Variants in HSD17B11 observed in about 807,000 individuals in gnomAD.
The protein encoded by HSD17B11 is estradiol 17-beta-dehydrogenase 11.
HSD17B11 carries 22 observed loss-of-function variants against 27.8 expected under a neutral mutation model. That is an observed-to-expected ratio of 0.79 (90% CI 0.56 to 1.13). The LOEUF is 1.13. HSD17B11 is among the 50% of genes most tolerant of loss of function. HSD17B11 has a pLI of 0.00. For missense variants in HSD17B11, 314 were observed against 351.1 expected (o/e 0.89, Z 0.84); for synonymous variants, 117 against 132.8 (o/e 0.88, Z 0.82).
Position 87,374,702 on chromosome 4 carries a change from GA to G in HSD17B11, c.446del (p.Phe149SerfsTer11). On this transcript the variant is annotated frameshift_variant, in exon 3 of 7. Coordinates refer to ENST00000358290, the MANE Select transcript of HSD17B11 (RefSeq NM_016245.5). LOFTEE classifies it high-confidence loss of function. Reference sequence around the variant, plus strand: ...TTGTAAAAGAAGCCATACTCACCCAGAAATGTGCAAGTACATTAACTTCAAA... The same window carrying G: ...TTGTAAAAGAAGCCATACTCACCCAGAATGTGCAAGTACATTAACTTCAAA... The part of the protein sequence containing the change: ...KTFEVNVLAH[F>X]WTTKAFLPAM... 1.3e-6 allele frequency: 2 copies of G among 1,596,124 alleles called. No homozygotes were observed. The highest frequency in any genetic ancestry group is 1.7e-6 in the Non-Finnish European group (2 of 1,175,946).
chr4:87,354,043 C>T (rs1259032246), intron 5 of HSD17B11, among the ~76,000 whole-genome samples: 1 of 152,060 alleles, frequency 6.6e-6, no homozygotes, highest in Non-Finnish European at 1.5e-5. Context: ...TAAACATTGA[C>T]CTCTAAAATA....
intron 2 of HSD17B11, among the ~76,000 whole-genome samples, chr4:87,379,586 A>G (rs1471613738): frequency 6.9e-6 from 1 of 145,962 alleles, no homozygotes; most frequent in Non-Finnish European, 1.5e-5. Context: ...ATACATACAC[A>G]GCATTATATA....
intron 4 of HSD17B11, among the ~76,000 whole-genome samples, chr4:87,367,057 T>C (rs1342869885): frequency 2.0e-5 from 3 of 152,222 alleles, no homozygotes; most frequent in Non-Finnish European, 4.4e-5. Context: ...AACATATTTG[T>C]TTCTCTCTAC....
At chr4:87,371,779 A>G (rs1443403807) in intron 4 of HSD17B11, among the ~76,000 whole-genome samples, 3 of 152,232 alleles carry the variant, frequency 2.0e-5, no homozygotes. Context: ...GTGGCCAGTA[A>G]GGATCACAGA....
intron 4 of HSD17B11, among the ~76,000 whole-genome samples, chr4:87,364,162 T>C (rs1735574965): frequency 1.3e-5 from 2 of 152,012 alleles, no homozygotes. Flanking sequence ...TGTTTTGTTT[T>C]GTTTTGTCTT....
At position 87,391,052 on chromosome 4, in the gene HSD17B11, T is replaced by C; in HGVS notation, c.19A>G (p.Ile7Val). 6.2e-7 allele frequency: 1 copy of C among 1,613,328 alleles called. No homozygotes were observed. Among genetic ancestry groups the C allele is most frequent in the East Asian group, 2.2e-5 (1 of 44,864 alleles). Residue 7 changes from isoleucine to valine, a missense_variant, in exon 1 of 7, where the codon ATC becomes GTC. Physicochemically the swap from Ile to Val is conservative, Grantham distance 29. Coordinates refer to ENST00000358290, the MANE Select transcript of HSD17B11 (RefSeq NM_016245.5). MKFLLD[I>V]LLLLPLLIVC... is the part of the protein sequence containing the mutation. ...ATCAGTAACGGGAGAAGCAGGAGGA[T>C]GTCCAGAAGAAATTTCATCCCTTTT...
At chr4:87,361,286 A>G (rs1013238110) in intron 4 of HSD17B11, among the ~76,000 whole-genome samples, 1 of 152,224 alleles carries the variant, frequency 6.6e-6, no homozygotes, top group African/African-American at 2.4e-5. Context: ...CACCAGCGCC[A>G]TAACTGTTCA....
chr4:87,388,101 G>A (rs555832837), intron 1 of HSD17B11, among the ~76,000 whole-genome samples: 104 of 149,822 alleles, frequency 6.9e-4, no homozygotes, highest in East Asian at 1.6e-3. Flanking sequence ...TCTCTACACC[G>A]GTACTGTCTC....
At chr4:87,378,843 TAAATATATATATAA>T (rs1474929298) in intron 2 of HSD17B11, among the ~76,000 whole-genome samples, 2 of 29,142 alleles carry the variant, frequency 6.9e-5, no homozygotes, top group Non-Finnish European at 1.3e-4. Context: ...TATATATATA[TAAATATATATATAA>T]ATATATATAA....
intron 5 of HSD17B11, among the ~76,000 whole-genome samples, chr4:87,343,026 A>C (rs73841144): frequency 0.055 from 8,314 of 152,244 alleles, 728 homozygotes; most frequent in African/African-American, 0.19. Flanking sequence ...TCTCAAGCTC[A>C]ATGAAAGCTT....
In HSD17B11 at chr4:87,382,276, A is replaced by G; in HGVS notation, c.297T>C (p.Asp99=). The change falls in exon 2 of 7, where the codon GAT becomes GAC. Residue 99 remains aspartate, a synonymous_variant. Coordinates refer to ENST00000358290, the MANE Select transcript of HSD17B11 (RefSeq NM_016245.5). ...TFVVDCSNRE[D]IYSSAKKVKA... ...TCACCTTCTTTGCAGAGCTGTAAAT[A>G]TCTTCTCGGTTGCTGCAGTCTACCA... 2 of 1,613,502 alleles carry G rather than the reference A, an allele frequency of 1.2e-6. No individual in the cohort carries two copies. The highest frequency in any genetic ancestry group is 1.7e-5 in the Admixed American group (1 of 60,010).
intron 4 of HSD17B11, among the ~76,000 whole-genome samples, chr4:87,362,584 C>T (rs1014256068): frequency 7.2e-5 from 11 of 151,878 alleles, no homozygotes; most frequent in Non-Finnish European, 1.3e-4. Flanking sequence ...GGTTAGAGGA[C>T]CCTCTCAGTA....
chr4:87,389,212 A>T (rs1198040390), intron 1 of HSD17B11, among the ~76,000 whole-genome samples: 1 of 151,876 alleles, frequency 6.6e-6, no homozygotes, highest in Non-Finnish European at 1.5e-5. Context: ...TTATTTATTA[A>T]TTTAATTTAA....
chr4:87,353,161 T>C (rs1212208500), intron 5 of HSD17B11, among the ~76,000 whole-genome samples: 1 of 147,656 alleles, frequency 6.8e-6, no homozygotes, highest in Non-Finnish European at 1.5e-5. Flanking sequence ...ATTCTGGATT[T>C]TTAACAGCAA....
At chr4:87,358,430 C>T (rs1185902527) in intron 4 of HSD17B11, among the ~76,000 whole-genome samples, 1 of 152,092 alleles carries the variant, frequency 6.6e-6, no homozygotes, top group African/African-American at 2.4e-5. Flanking sequence ...TTTAACAGCT[C>T]TTTCATTTGG....
chr4:87,345,277 T>C (rs553708631), intron 5 of HSD17B11: 11 of 151,636 alleles, frequency 7.3e-5, no homozygotes, highest in African/African-American at 9.7e-5. Context: ...TCAAAATAAA[T>C]AAATAAACAA....
chr4:87,370,999 G>A lies in HSD17B11; in HGVS notation c.557+1710C>T, dbSNP rs1188531917. Among the ~76,000 whole-genome samples the A allele has an allele frequency of 3.4e-4, 47 of 136,366 alleles. 5 individuals carry two copies. The highest frequency in any genetic ancestry group is 1.3e-3 in the African/African-American group (43 of 31,852). The allele number at this position is 136,366 out of a possible 152,430, so 89.5% of individuals were successfully genotyped here. A position where few individuals can be genotyped will look rare whatever the true frequency, so the allele number is the denominator to read the frequency against. On this transcript the variant is annotated intron_variant, in intron 4 of 6. Transcript: ENST00000358290. ...GATCTCCTGACCTCGTGATCCGCCC[G>A]CCTCGGCCTCCCAAAGTGCTGGGAT...
chr4:87,372,669 T>TA, intron 4 of HSD17B11, 40 bp downstream of exon 4: 1 of 1,181,774 alleles, frequency 8.5e-7, no homozygotes, highest in Non-Finnish European at 1.3e-6. Flanking sequence ...ACACACAAGG[T>TA]AGGCATAAGA....
chr4:87,380,878 A>G (rs1720141661), intron 2 of HSD17B11, among the ~76,000 whole-genome samples: 1 of 144,480 alleles, frequency 6.9e-6, no homozygotes, highest in Admixed American at 7.0e-5. Flanking sequence ...AAAAAAAAAA[A>G]AAAAAAAAAA....
Sources: allele counts gnomAD v4.1 joint callset (sites outside exome capture counted in the v4.1 genomes callset), GRCh38; gene constraint gnomAD v4.1.1; transcripts MANE v1.5; gene names NCBI Gene and HGNC (gene_info 2026-07-23, HGNC 2026-07-21).